The following TEX29 variants were observed in gnomAD, a reference collection of about 807,000 sequenced individuals.
The protein encoded by TEX29 is testis-expressed protein 29.
TEX29 carries 26 observed loss-of-function variants against 18.2 expected under a neutral mutation model. The observed-to-expected ratio is 1.43, with a 90% CI of 1.04 to 1.98. The LOEUF (loss-of-function observed/expected upper bound fraction) is 1.98. Among genes scored for constraint, TEX29 ranks in the 30% most tolerant of loss-of-function variants. The pLI, the probability that TEX29 is intolerant of heterozygous loss-of-function variation, is 0.00. For missense variants in TEX29, 177 were observed against 194.2 expected, an observed-to-expected ratio of 0.91 and a Z score of 0.53; for synonymous variants, 83 against 78.5, an observed-to-expected ratio of 1.06 and a Z score of -0.31.
rs145341695 is a variant in TEX29, at chr13:111,326,524, G to T, written c.59-1659G>T. Among the ~76,000 whole-genome samples the T allele has an allele frequency of 2.1e-4, 28 of 130,564 alleles. No homozygotes were observed. The East Asian group carries it at 7.7e-3, about 36-fold the overall frequency. 85.7% of individuals were successfully genotyped at this position (130,564 alleles called of 152,430 possible). On this transcript the variant is annotated intron_variant, in intron 2 of 5. Coordinates refer to ENST00000283547, the MANE Select transcript of TEX29 (RefSeq NM_152324.3). The stretch of plus-strand genomic sequence containing the variant: ...GTGGAGGAGACCACGGGCAGCGCGA[G>T]GCTGTCTGGTGGGGTGGAGACTGCG...
At chr13:111,343,457 G>T (rs182170675) in intron 5 of TEX29, among the ~76,000 whole-genome samples, 1 of 152,258 alleles carries the variant, frequency 6.6e-6, no homozygotes, top group East Asian at 1.9e-4. Context: ...TACTCTTTGT[G>T]GTGCCCTGGC....
upstream of TEX29, among the ~76,000 whole-genome samples, chr13:111,319,834 G>C (rs761066786): frequency 6.6e-6 from 1 of 152,122 alleles, no homozygotes; most frequent in African/African-American, 2.4e-5. Context: ...AGCCCCCTCC[G>C]GCAGTTGCCT....
At chr13:111,334,521 C>A (rs1445788005) in intron 3 of TEX29, among the ~76,000 whole-genome samples, 1 of 152,228 alleles carries the variant, frequency 6.6e-6, no homozygotes, top group Non-Finnish European at 1.5e-5. Context: ...GGTCCCAGGG[C>A]CACCATAGGT....
intron 3 of TEX29, among the ~76,000 whole-genome samples, chr13:111,333,833 T>A (rs1258057790): frequency 1.3e-5 from 2 of 152,204 alleles, no homozygotes; most frequent in African/African-American, 4.8e-5. Flanking sequence ...GAACTCAGTA[T>A]CATGAGACTA....
At chr13:111,326,229 GGGGTGGAGACTGCGGGCA>G (rs1595686076) in intron 2 of TEX29, among the ~76,000 whole-genome samples, 1 of 151,224 alleles carries the variant, frequency 6.6e-6, no homozygotes, top group East Asian at 1.9e-4. Context: ...CCTGTCTGGT[GGGGTGGAGACTGCGGGCA>G]ACGCGAGCCT....
At chr13:111,341,939 G>A (rs1460898057) in intron 4 of TEX29, among the ~76,000 whole-genome samples, 2 of 152,228 alleles carry the variant, frequency 1.3e-5, no homozygotes, top group Admixed American at 1.3e-4. Context: ...CTCTAACTCA[G>A]GCTCCCAGTT....
At chr13:111,339,201 G>A (rs936122373) in intron 3 of TEX29, 6 of 452,572 alleles carry the variant, frequency 1.3e-5, no homozygotes, top group African/African-American at 4.0e-5. Flanking sequence ...GAGAAGGCAC[G>A]GGAAACTTGG....
chr13:111,329,190 G>A (rs1427469657), intron 3 of TEX29, among the ~76,000 whole-genome samples: 1 of 152,062 alleles, frequency 6.6e-6, no homozygotes, highest in Non-Finnish European at 1.5e-5. Flanking sequence ...GGGAGGGGTG[G>A]ACAGCAGCAC....
intron 3 of TEX29, among the ~76,000 whole-genome samples, chr13:111,331,176 C>T (rs982448126): frequency 3.3e-5 from 5 of 152,180 alleles, no homozygotes; most frequent in Non-Finnish European, 5.9e-5. Context: ...GCAGCGTATG[C>T]GAGTTCCAAT....
chr13:111,322,394 C>T (rs2093666275), intron 2 of TEX29, among the ~76,000 whole-genome samples: 1 of 152,264 alleles, frequency 6.6e-6, no homozygotes. Context: ...AAAGCGCTCC[C>T]TCTTCCAGGC....
At chr13:111,338,694 A>T (rs2093692879) in intron 3 of TEX29, among the ~76,000 whole-genome samples, 1 of 152,228 alleles carries the variant, frequency 6.6e-6, no homozygotes, top group Non-Finnish European at 1.5e-5. Context: ...TAAGAAAGCA[A>T]TTAGAGAAGA....
chr13:111,324,436 G>C (rs949751647), intron 2 of TEX29, among the ~76,000 whole-genome samples: 1 of 152,216 alleles, frequency 6.6e-6, no homozygotes. Flanking sequence ...TGCTGAGTCT[G>C]CCAGCTGCTT....
chr13:111,323,119 G>C (rs1453800283), intron 2 of TEX29, among the ~76,000 whole-genome samples: 2 of 152,206 alleles, frequency 1.3e-5, no homozygotes, highest in Non-Finnish European at 2.9e-5. Flanking sequence ...TTCCCATGTG[G>C]GTGCAGAGCC....
intron 5 of TEX29, 54 bp from the exon 6 acceptor site, chr13:111,344,029 G>A (rs1268364396): frequency 3.5e-6 from 5 of 1,433,948 alleles, no homozygotes; most frequent in African/African-American, 2.8e-5. Flanking sequence ...AAATCTTTTC[G>A]GGACTGCTGA....
At chr13:111,340,057 C>A (rs549230966) in intron 4 of TEX29, 125 bp downstream of exon 4, 44 of 823,560 alleles carry the variant, frequency 5.3e-5, no homozygotes, top group Non-Finnish European at 1.0e-5. Flanking sequence ...AACAGCTCTC[C>A]GTGAGCCTGG....
chr13:111,317,381 T>C (rs525101), upstream of TEX29, among the ~76,000 whole-genome samples: 70,620 of 151,874 alleles, frequency 0.46, 17,749 homozygotes, highest in East Asian at 0.92. Flanking sequence ...GGCAGCAGCA[T>C]GTAGGGAATG....
At chr13:111,337,056 A>G (rs2093690567) in intron 3 of TEX29, among the ~76,000 whole-genome samples, 1 of 152,248 alleles carries the variant, frequency 6.6e-6, no homozygotes, top group Non-Finnish European at 1.5e-5. Context: ...CAAGAATTTC[A>G]GGGTTACCTT....
intron 2 of TEX29, 46 bp downstream of exon 2, chr13:111,320,994 T>TGGGGGGGGGGCCCCCAGC: frequency 3.2e-6 from 1 of 310,240 alleles, no homozygotes; most frequent in Middle Eastern, 7.5e-4. Context: ...GGGGGAGCAG[T>TGGGGGGGGGGCCCCCAGC]TGGGGGGGGG....
chr13:111,319,461 C>A (rs1272907781), upstream of TEX29, among the ~76,000 whole-genome samples: 2 of 152,184 alleles, frequency 1.3e-5, no homozygotes, highest in Non-Finnish European at 2.9e-5. Flanking sequence ...TCAGACACAT[C>A]AACCCAAATT....
Sources: gnomAD v4.1 joint callset for allele counts (sites outside exome capture counted in the v4.1 genomes callset) on GRCh38, gnomAD v4.1.1 for gene constraint, MANE v1.5 for transcripts, NCBI Gene and HGNC (gene_info 2026-07-23, HGNC 2026-07-21) for gene names.